The following ACBD6 variants were observed in gnomAD, a reference collection of about 807,000 sequenced individuals.
ACBD6 encodes the protein acyl-CoA-binding domain-containing protein 6.
Under a neutral mutation model 37.2 loss-of-function variants are expected in ACBD6, and 28 were observed. The ratio of observed to expected loss-of-function variants is 0.75; its 90% confidence interval spans 0.56 to 1.03. The LOEUF is 1.03. ACBD6 is among the 50% of genes least tolerant of loss of function. The probability of loss-of-function intolerance (pLI) is 0.00; values close to 1 mark genes in which losing one functional copy is unlikely to be tolerated. For missense variants in ACBD6, 340 were observed against 337.4 expected, an observed-to-expected ratio of 1.01 and a Z score of -0.06; for synonymous variants, 113 against 126.8, an observed-to-expected ratio of 0.89 and a Z score of 0.73.
chr1:180,446,164 G>C lies in ACBD6; in HGVS notation c.385-15902C>G, dbSNP rs1380307863. ...ACCACAAGCAAGCACCATCACGCCG[G>C]GATAATTTTTTTTTTTTTTTGTATT... On this transcript the variant is annotated intron_variant, in intron 3 of 7. Coordinates refer to ENST00000367595, the MANE Select transcript of ACBD6 (RefSeq NM_032360.4). Among the ~76,000 whole-genome samples, 4 of 150,512 alleles carry C rather than the reference G, an allele frequency of 2.7e-5. No individual in the cohort carries two copies. The South Asian group carries it at 6.3e-4, about 24-fold the overall frequency.
chr1:180,343,183 A>T (rs555424932), intron 6 of ACBD6, among the ~76,000 whole-genome samples: 13 of 152,288 alleles, frequency 8.5e-5, no homozygotes, highest in African/African-American at 3.1e-4. Context: ...AATGTAAAAA[A>T]ATTCAAGCAT....
At chr1:180,327,367 C>G (rs1651294886) in intron 6 of ACBD6, among the ~76,000 whole-genome samples, 1 of 152,176 alleles carries the variant, frequency 6.6e-6, no homozygotes, top group Non-Finnish European at 1.5e-5. Context: ...CAGATTCTCT[C>G]TCCACGCCAC....
intron 3 of ACBD6, among the ~76,000 whole-genome samples, chr1:180,433,499 C>T (rs953805619): frequency 6.6e-6 from 1 of 152,106 alleles, no homozygotes; most frequent in Non-Finnish European, 1.5e-5. Flanking sequence ...GATATCCATT[C>T]TCATCACTTC....
At chr1:180,499,480 A>G (rs1034972426) in intron 1 of ACBD6, among the ~76,000 whole-genome samples, 11 of 152,244 alleles carry the variant, frequency 7.2e-5, no homozygotes, top group Non-Finnish European at 1.2e-4. Context: ...TGAAGTGAGT[A>G]TACCTGAGAC....
At chr1:180,396,130 C>T (rs6659477) in intron 6 of ACBD6, among the ~76,000 whole-genome samples, 23,404 of 151,892 alleles carry the variant, frequency 0.15, 3,193 homozygotes, top group African/African-American at 0.37. Context: ...ATGGTAGTTG[C>T]CAGGGGCTGA....
chr1:180,353,265 T>C (rs537918204), intron 6 of ACBD6, among the ~76,000 whole-genome samples: 35 of 152,330 alleles, frequency 2.3e-4, no homozygotes, highest in Non-Finnish European at 3.8e-4. Flanking sequence ...AATATTCTTA[T>C]GTAATGTAGA....
At chr1:180,386,204 C>T (rs1297578775) in intron 6 of ACBD6, among the ~76,000 whole-genome samples, 1 of 152,116 alleles carries the variant, frequency 6.6e-6, no homozygotes, top group Middle Eastern at 3.2e-3. Context: ...AGTAGTTAAG[C>T]TATGAGATAA....
At chr1:180,340,862 C>A (rs1255343667) in intron 6 of ACBD6, among the ~76,000 whole-genome samples, 1 of 151,940 alleles carries the variant, frequency 6.6e-6, no homozygotes, top group Non-Finnish European at 1.5e-5. Flanking sequence ...CCTGTTTCAT[C>A]AGTTAAACGG....
intron 7 of ACBD6, among the ~76,000 whole-genome samples, chr1:180,312,821 T>C (rs894889377): frequency 3.3e-5 from 5 of 152,174 alleles, no homozygotes; most frequent in African/African-American, 1.2e-4. Context: ...ATTAACTCAT[T>C]ATAACAAATC....
chr1:180,435,345 T>C, intron 3 of ACBD6: 1 of 424,392 alleles, frequency 2.4e-6, no homozygotes, highest in Non-Finnish European at 4.4e-6. Context: ...GTCTCCTGGT[T>C]TCACGCCATT....
At chr1:180,483,532 T>C (rs967746865) in intron 3 of ACBD6, among the ~76,000 whole-genome samples, 2 of 152,152 alleles carry the variant, frequency 1.3e-5, no homozygotes, top group African/African-American at 4.8e-5. Context: ...GAACTACAAC[T>C]TGCACACAGT....
chr1:180,413,468 T>C lies in ACBD6; in HGVS notation c.471A>G (p.Glu157=), dbSNP rs1474796621. 7 of 1,604,732 alleles carry C rather than the reference T, an allele frequency of 4.4e-6. No individual in the cohort carries two copies. The South Asian group carries it at 7.7e-5, about 18-fold the overall frequency. ...AGTAATCAAATATATTTTTGTCTTC[T>C]TCCCTAGAATAAAAAAAAGAAAGGT... The part of the protein sequence containing the change: ...SSLYHEETIR[E]EDKNIFDYCR... Residue 157 remains glutamate (E), a synonymous_variant, in exon 5 of 8, where the codon GAA becomes GAG. Coordinates refer to ENST00000367595, the MANE Select transcript of ACBD6 (RefSeq NM_032360.4).
intron 4 of ACBD6, among the ~76,000 whole-genome samples, chr1:180,428,991 G>C (rs1648707845): frequency 6.6e-6 from 1 of 152,126 alleles, no homozygotes; most frequent in African/African-American, 2.4e-5. Context: ...AGCTCTTCAA[G>C]GGAAGCAGCT....
chr1:180,441,809 T>C (rs959877588), intron 3 of ACBD6, among the ~76,000 whole-genome samples: 4 of 152,198 alleles, frequency 2.6e-5, no homozygotes, highest in African/African-American at 9.6e-5. Context: ...CTATATACTG[T>C]GTAGGATCAT....
At chr1:180,479,469 A>C (rs1190136432) in intron 3 of ACBD6, among the ~76,000 whole-genome samples, 1 of 152,164 alleles carries the variant, frequency 6.6e-6, no homozygotes, top group Non-Finnish European at 1.5e-5. Context: ...GAGAGTGGAA[A>C]GACACATAAC....
At chr1:180,443,216 T>C (rs1649350405) in intron 3 of ACBD6, among the ~76,000 whole-genome samples, 1 of 152,206 alleles carries the variant, frequency 6.6e-6, no homozygotes, top group Admixed American at 6.5e-5. Context: ...TGATATAGCA[T>C]TTAATTTAGC....
chr1:180,378,946 C>T (rs1021850413), intron 6 of ACBD6, among the ~76,000 whole-genome samples: 1 of 152,106 alleles, frequency 6.6e-6, no homozygotes, highest in African/African-American at 2.4e-5. Context: ...AGAACACACC[C>T]ACTTGACTGA....
At chr1:180,418,734 T>C (rs1052498977) in intron 4 of ACBD6, among the ~76,000 whole-genome samples, 1 of 152,242 alleles carries the variant, frequency 6.6e-6, no homozygotes, top group East Asian at 1.9e-4. Flanking sequence ...TTTCACATTG[T>C]AGGATACTGT....
intron 6 of ACBD6, among the ~76,000 whole-genome samples, chr1:180,340,494 AAAG>A (rs1184067096): frequency 6.6e-6 from 1 of 152,120 alleles, no homozygotes; most frequent in Non-Finnish European, 1.5e-5. Context: ...ATTAGAGTAT[AAAG>A]AACTCTTTCA....
Sources: gnomAD v4.1 joint callset for allele counts (sites outside exome capture counted in the v4.1 genomes callset) on GRCh38, gnomAD v4.1.1 for gene constraint, MANE v1.5 for transcripts, NCBI Gene and HGNC (gene_info 2026-07-23, HGNC 2026-07-21) for gene names.